PLCL1: variants seen among roughly 807,000 people sequenced by gnomAD.
The protein encoded by PLCL1 is inactive phospholipase C-like protein 1.
In PLCL1, 41 loss-of-function variants were observed where a neutral mutation model predicts 84.4. That is an observed-to-expected ratio of 0.49 (90% CI 0.38 to 0.63). The LOEUF is 0.63. PLCL1 is among the 30% of genes least tolerant of loss of function. PLCL1 has a pLI of 0.00. For missense variants in PLCL1, 1,206 were observed against 1,367.8 expected, an observed-to-expected ratio of 0.88 and a Z score of 1.87; for synonymous variants, 490 against 488.3, an observed-to-expected ratio of 1.00 and a Z score of -0.05.
At chr2:198,058,257 T>C (rs1296638541) in intron 1 of PLCL1, among the ~76,000 whole-genome samples, 1 of 152,136 alleles carries the variant, frequency 6.6e-6, no homozygotes, top group Non-Finnish European at 1.5e-5. Context: ...GTATGGTTGG[T>C]TTTATATAGA....
chr2:197,857,028 G>T (rs964782566), intron 1 of PLCL1, among the ~76,000 whole-genome samples: 1 of 152,066 alleles, frequency 6.6e-6, no homozygotes. Flanking sequence ...GCTAGTGGAT[G>T]CTGGGCTTAA....
intron 1 of PLCL1, among the ~76,000 whole-genome samples, chr2:197,838,957 C>G (rs1691243121): frequency 6.6e-6 from 1 of 152,170 alleles, no homozygotes; most frequent in Admixed American, 6.5e-5. Context: ...AATTTTTACA[C>G]TGTTTTGGTG....
At chr2:197,858,716 G>A (rs1687376407) in intron 1 of PLCL1, among the ~76,000 whole-genome samples, 1 of 152,122 alleles carries the variant, frequency 6.6e-6, no homozygotes, top group Admixed American at 6.6e-5. Context: ...CCAAATAACA[G>A]CCCATTCCAA....
chr2:197,837,521 C>A (rs1310986827), intron 1 of PLCL1, among the ~76,000 whole-genome samples: 2 of 152,150 alleles, frequency 1.3e-5, no homozygotes, highest in African/African-American at 2.4e-5. Flanking sequence ...GGTCATATAT[C>A]TTCACCACTT....
chr2:198,032,192 C>G (rs1274645999), intron 1 of PLCL1, among the ~76,000 whole-genome samples: 1 of 152,194 alleles, frequency 6.6e-6, no homozygotes, highest in Non-Finnish European at 1.5e-5. Context: ...TGCTAGCAGA[C>G]TGTGAAAACC....
At position 198,085,619 on chromosome 2, in the gene PLCL1, G is replaced by T; in HGVS notation, c.2102G>T (p.Arg701Leu). 1 of 1,614,070 alleles carries T rather than the reference G, an allele frequency of 6.2e-7. No individual in the cohort carries two copies. Among genetic ancestry groups the T allele is most frequent in the Non-Finnish European group, 8.5e-7 (1 of 1,179,976 alleles). ...TATGTTCTAAGGCCGTCTATAATGC[G>T]AGATGAAGTTTCTTACTTCAGCGCA... ...CGYVLRPSIMRDEVSYFSANT... is the reference protein window; with the variant it reads ...CGYVLRPSIMLDEVSYFSANT... The change falls in exon 2 of 6, where the codon CGA (arginine) becomes CTA (leucine). Residue 701 changes from arginine (R) to leucine (L), a missense_variant. By Grantham distance (102) the Arg-to-Leu change is moderately radical (BLOSUM62 -2). Coordinates refer to ENST00000428675, the MANE Select transcript of PLCL1 (RefSeq NM_006226.4). The surrounding 1 kb of genome is among the most constrained non-coding windows in gnomAD (Gnocchi z 5.3).
chr2:197,934,061 A>G (rs1689001820), intron 1 of PLCL1, among the ~76,000 whole-genome samples: 1 of 152,194 alleles, frequency 6.6e-6, no homozygotes, highest in South Asian at 2.1e-4. Context: ...ATCTCATCCA[A>G]TTAGAGTTTA....
chr2:197,923,514 C>T (rs976088786), intron 1 of PLCL1, among the ~76,000 whole-genome samples: 1 of 146,802 alleles, frequency 6.8e-6, no homozygotes, highest in East Asian at 2.1e-4. Flanking sequence ...CCTCACATCC[C>T]AGATGGGGCG....
intron 1 of PLCL1, among the ~76,000 whole-genome samples, chr2:197,808,818 G>T (rs1041214389): frequency 6.6e-6 from 1 of 152,188 alleles, no homozygotes; most frequent in East Asian, 1.9e-4. Flanking sequence ...TCCATTGTAT[G>T]TGACACATTG....
At chr2:197,984,805 G>A (rs975863465) in intron 1 of PLCL1, among the ~76,000 whole-genome samples, 2 of 152,094 alleles carry the variant, frequency 1.3e-5, no homozygotes, top group African/African-American at 4.8e-5. Context: ...CTACAAAAGA[G>A]CTTGTAAATA....
intron 5 of PLCL1, among the ~76,000 whole-genome samples, chr2:198,116,291 T>C (rs543894023): frequency 3.3e-5 from 5 of 151,772 alleles, no homozygotes; most frequent in Non-Finnish European, 7.4e-5. Flanking sequence ...TACATACTCA[T>C]AGTAATAGGC....
intron 1 of PLCL1, among the ~76,000 whole-genome samples, chr2:198,001,407 G>A (rs974297464): frequency 2.6e-5 from 4 of 152,130 alleles, no homozygotes; most frequent in African/African-American, 9.7e-5. Context: ...ACATACTTGT[G>A]TAACCAGAAC....
At chr2:198,100,859 A>C (rs1693314903) in intron 3 of PLCL1, among the ~76,000 whole-genome samples, 1 of 151,986 alleles carries the variant, frequency 6.6e-6, no homozygotes, top group South Asian at 2.1e-4. Flanking sequence ...ATATTTTTAA[A>C]GGTGACTTTG....
intron 1 of PLCL1, among the ~76,000 whole-genome samples, chr2:197,823,064 A>G (rs1690850305): frequency 6.6e-6 from 1 of 151,994 alleles, no homozygotes; most frequent in African/African-American, 2.4e-5. Flanking sequence ...GTTAAAAATG[A>G]TTTTCTATTT....
At chr2:198,068,760 G>A (rs960584236) in intron 1 of PLCL1, among the ~76,000 whole-genome samples, 3 of 152,192 alleles carry the variant, frequency 2.0e-5, no homozygotes, top group East Asian at 1.9e-4. Flanking sequence ...GCGGGCTTAC[G>A]CCTATAATCC....
At chr2:198,039,717 C>T (rs998771351) in intron 1 of PLCL1, among the ~76,000 whole-genome samples, 1 of 152,162 alleles carries the variant, frequency 6.6e-6, no homozygotes, top group African/African-American at 2.4e-5. Flanking sequence ...GCTTTTATTA[C>T]ATTAGGAAGA....
chr2:198,009,839 T>G (rs1342856759), intron 1 of PLCL1, among the ~76,000 whole-genome samples: 1 of 151,970 alleles, frequency 6.6e-6, no homozygotes, highest in East Asian at 1.9e-4. Flanking sequence ...TTTACTTGTA[T>G]CTTCTTTGAT....
intron 1 of PLCL1, among the ~76,000 whole-genome samples, chr2:197,813,572 G>A (rs1289550301): frequency 6.6e-6 from 1 of 152,050 alleles, no homozygotes; most frequent in Admixed American, 6.5e-5. Context: ...AAAACACCTA[G>A]TAACATCTTG....
intron 1 of PLCL1, among the ~76,000 whole-genome samples, chr2:197,999,990 C>T (rs1277892052): frequency 6.6e-6 from 1 of 152,126 alleles, no homozygotes; most frequent in Non-Finnish European, 1.5e-5. Flanking sequence ...CAAATTCCTG[C>T]AAATCATTAA....
Sources: allele counts gnomAD v4.1 joint callset (sites outside exome capture counted in the v4.1 genomes callset), GRCh38; gene constraint gnomAD v4.1.1; non-coding constraint Gnocchi (gnomAD v3.1); transcripts MANE v1.5; gene names NCBI Gene and HGNC (gene_info 2026-07-23, HGNC 2026-07-21).